The following USP9X variants were observed in gnomAD, a reference collection of about 807,000 sequenced individuals.
USP9X encodes the protein ubiquitin carboxyl-terminal hydrolase 9X.
A neutral mutation model predicts 190.3 loss-of-function variants in USP9X; 7 were observed. The ratio of observed to expected loss-of-function variants is 0.04; its 90% CI spans 0.02 to 0.07. USP9X has a LOEUF of 0.07. USP9X is among the 10% of genes least tolerant of loss of function. The pLI, the probability that USP9X is intolerant of heterozygous loss-of-function variation, is 1.00. For missense variants in USP9X, 1,010 were observed against 1,916.9 expected, an observed-to-expected ratio of 0.53 and a Z score of 8.83; for synonymous variants, 645 against 659.5, an observed-to-expected ratio of 0.98 and a Z score of 0.34.
intron 1 of USP9X, among the ~76,000 whole-genome samples, chrX:41,104,210 G>A (rs2062053613): frequency 1.8e-5 from 2 of 111,040 alleles, no homozygotes; most frequent in Non-Finnish European, 3.8e-5. Context: ...GGGACTACAG[G>A]TGCATGCTAC....
chrX:41,132,452 C>T (rs1212657814), intron 4 of USP9X, among the ~76,000 whole-genome samples: 6 of 109,125 alleles, frequency 5.5e-5, no homozygotes, highest in Non-Finnish European at 1.1e-4. Flanking sequence ...TACAGGCGCC[C>T]ACCACCATGC....
intron 1 of USP9X, among the ~76,000 whole-genome samples, chrX:41,116,718 A>G (rs1262620496): frequency 8.9e-5 from 10 of 112,109 alleles, no homozygotes; most frequent in African/African-American, 3.2e-4. Context: ...CATTTTTTTG[A>G]GAATTACTGT....
At chrX:41,229,538 T>C (rs754822925) in intron 42 of USP9X, 29 bp from the exon 43 acceptor site, 1 of 1,202,015 alleles carries the variant, frequency 8.3e-7, no homozygotes, top group African/African-American at 1.7e-5. Context: ...CAAATCCTCT[T>C]ATCTATATGG....
At chrX:41,219,371 A>G in intron 38 of USP9X, 140 bp downstream of exon 38, 1 of 595,454 alleles carries the variant, frequency 1.7e-6, no homozygotes, top group Non-Finnish European at 2.5e-6. Flanking sequence ...TTATCTGAAC[A>G]TGGCACTTTC....
intron 1 of USP9X, among the ~76,000 whole-genome samples, chrX:41,086,406 C>G (rs1480106625): frequency 2.7e-5 from 3 of 112,098 alleles, no homozygotes; most frequent in African/African-American, 6.5e-5. Flanking sequence ...TGTCTGGGGC[C>G]GAGTAGGAGG....
intron 1 of USP9X, among the ~76,000 whole-genome samples, chrX:41,094,013 A>G (rs914462884): frequency 9.9e-5 from 11 of 110,821 alleles, no homozygotes; most frequent in African/African-American, 3.3e-4. Context: ...TTACTCATTT[A>G]ATTAGTGTGT....
intron 2 of USP9X, among the ~76,000 whole-genome samples, chrX:41,123,969 G>T (rs1308740270): frequency 1.8e-5 from 2 of 110,614 alleles, no homozygotes; most frequent in East Asian, 5.6e-4. Flanking sequence ...CTTGAACCTG[G>T]GAGGCCGAGG....
chrX:41,183,945 A>T (rs1440456875), intron 21 of USP9X, 53 bp from the exon 22 acceptor site: 9 of 1,142,441 alleles, frequency 7.9e-6, no homozygotes, highest in Non-Finnish European at 1.2e-6. Context: ...CAAAAGTTAA[A>T]TATGTATGAA....
chrX:41,095,089 G>C (rs755797457), intron 1 of USP9X, among the ~76,000 whole-genome samples: 4 of 110,171 alleles, frequency 3.6e-5, no homozygotes, highest in Non-Finnish European at 7.6e-5. Flanking sequence ...TTGGATTCCA[G>C]ATTTTTCAGA....
At chrX:41,092,238 C>T (rs2061960068) in intron 1 of USP9X, among the ~76,000 whole-genome samples, 1 of 111,639 alleles carries the variant, frequency 9.0e-6, no homozygotes, top group African/African-American at 3.3e-5. Flanking sequence ...AGTGGCGAAG[C>T]CTCCTGTTAG....
chrX:41,225,867 T>G (rs1350027142), intron 41 of USP9X, among the ~76,000 whole-genome samples: 1 of 112,764 alleles, frequency 8.9e-6, no homozygotes, highest in African/African-American at 3.2e-5. Context: ...AGATAGCACT[T>G]CAACATTATA....
chrX:41,143,184 T>C, intron 9 of USP9X, 107 bp from the exon 10 acceptor site: 1 of 571,327 alleles, frequency 1.8e-6, no homozygotes, highest in Admixed American at 5.1e-5. Flanking sequence ...TATTATATTT[T>C]GTAAATGTGT....
chrX:41,175,324 A>G (rs909289118), intron 21 of USP9X, among the ~76,000 whole-genome samples: 13 of 111,205 alleles, frequency 1.2e-4, no homozygotes, highest in African/African-American at 4.3e-4. Context: ...ATTCATGACC[A>G]GCCTGGGCAA....
chrX:41,175,425 G>A (rs1485017000), intron 21 of USP9X, among the ~76,000 whole-genome samples: 1 of 110,499 alleles, frequency 9.0e-6, no homozygotes, highest in African/African-American at 3.3e-5. Context: ...GGAGGCTGAG[G>A]TGGGAGGATC....
At chrX:41,201,897 G>A (rs780548492) in intron 31 of USP9X, among the ~76,000 whole-genome samples, 5 of 111,375 alleles carry the variant, frequency 4.5e-5, no homozygotes, top group Non-Finnish European at 9.4e-5. Flanking sequence ...CTTGAACCCG[G>A]AAGGTGGAGG....
intron 32 of USP9X, among the ~76,000 whole-genome samples, chrX:41,206,084 GT>G (rs2063092657): frequency 9.1e-6 from 1 of 109,389 alleles, no homozygotes; most frequent in Non-Finnish European, 1.9e-5. Flanking sequence ...TGGAGACGGG[GT>G]TTTACCATGT....
intron 1 of USP9X, among the ~76,000 whole-genome samples, chrX:41,107,108 AC>A (rs1347236515): frequency 9.9e-6 from 1 of 101,491 alleles, no homozygotes; most frequent in African/African-American, 3.6e-5. Flanking sequence ...CTGGTCTTGA[AC>A]TCCTGACCTC....
chrX:41,128,275 T>G (rs944175333), intron 2 of USP9X, among the ~76,000 whole-genome samples: 1 of 112,153 alleles, frequency 8.9e-6, no homozygotes, highest in African/African-American at 3.2e-5. Context: ...ATTTCTGTCA[T>G]GGCTTATATA....
chrX:41,128,315 CATT>C (rs1360585710), intron 2 of USP9X, among the ~76,000 whole-genome samples: 1 of 111,920 alleles, frequency 8.9e-6, no homozygotes, highest in East Asian at 2.8e-4. Context: ...AGGCAGTACA[CATT>C]ATGATTAAGA....
Sources: gnomAD v4.1 joint callset for allele counts (sites outside exome capture counted in the v4.1 genomes callset) on GRCh38, gnomAD v4.1.1 for gene constraint, MANE v1.5 for transcripts, NCBI Gene and HGNC (gene_info 2026-07-23, HGNC 2026-07-21) for gene names.